PDIA4: variants seen among roughly 807,000 people sequenced by gnomAD.
The protein encoded by PDIA4 is protein disulfide isomerase family A member 4.
PDIA4 carries 33 observed loss-of-function variants against 62.1 expected under a neutral mutation model. That is an observed-to-expected ratio of 0.53 (90% CI 0.40 to 0.71). PDIA4 has a LOEUF of 0.71. Ranked by LOEUF, PDIA4 falls within the 30% of genes least tolerant of loss-of-function variation. PDIA4 has a pLI of 0.00. For synonymous variants in PDIA4, 341 were observed against 324.1 expected (o/e 1.05, Z -0.56); for missense variants, 804 against 813.6 (o/e 0.99, Z 0.14).
At position 149,004,115 on chromosome 7, in the gene PDIA4, C is replaced by T. The variant is rs1334999598; in HGVS notation, c.1617G>A (p.Val539=). ...TGAGGACGTCCTTCTTGGGGTCCAT[C>T]ACAATGGAGTCAAAGGTCTTTCCCA... ...VVVGKTFDSI[V]MDPKKDVLIE... The change falls in exon 10 of 10, where the codon GTG becomes GTA. Residue 539 remains valine (V), a synonymous_variant. Coordinates refer to ENST00000652332, the MANE Select transcript of PDIA4 (RefSeq NM_004911.5). The T allele has an allele frequency of 6.2e-7, 1 of 1,613,960 alleles. No homozygotes were observed.
intron 1 of PDIA4, among the ~76,000 whole-genome samples, chr7:149,025,106 ATG>A (rs762930944): frequency 0.55 from 49,404 of 89,580 alleles, 14,264 homozygotes; most frequent in South Asian, 0.72. Flanking sequence ...ATATATATAT[ATG>A]TATGTCCAGA....
At position 149,003,789 on chromosome 7, in the gene PDIA4, G is replaced by C. The variant is rs1823631778; in HGVS notation, c.*5C>G. Reference sequence around the variant, plus strand: ...CTCCTCCCACCTTCCGCAGACCTCAGGCCTTCAAAGCTCTTCCTTGGTCCT... The same window carrying C: ...CTCCTCCCACCTTCCGCAGACCTCACGCCTTCAAAGCTCTTCCTTGGTCCT... On this transcript the variant is annotated 3_prime_UTR_variant, in exon 10 of 10. Transcript: ENST00000652332. 1.3e-6 allele frequency: 2 copies of C among 1,529,406 alleles called. No individual in the cohort carries two copies. Among genetic ancestry groups the C allele is most frequent in the African/African-American group, 2.8e-5 (2 of 72,190 alleles). The allele number at this position is 1,529,406 out of a possible 1,614,324, so 94.7% of individuals were successfully genotyped here.
intron 5 of PDIA4, 28 bp downstream of exon 5, chr7:149,012,127 G>C (rs779226690): frequency 6.2e-7 from 1 of 1,606,454 alleles, no homozygotes; most frequent in East Asian, 2.2e-5. Context: ...CTTCCCCACT[G>C]TAGTGGGAGA....
Position 149,011,917 on chromosome 7 carries a change from C to T in PDIA4, c.908G>A (p.Gly303Glu), listed in dbSNP as rs1283543676. The T allele has an allele frequency of 5.6e-6, 9 of 1,609,208 alleles. No individual in the cohort carries two copies. Among genetic ancestry groups the T allele is most frequent in the African/African-American group, 1.3e-5 (1 of 74,886 alleles). ...LKQVQEFLKD[G>E]DDVIIIGVFK... is the part of the protein sequence containing the mutation. The stretch of plus-strand genomic sequence containing the variant: ...GACCCCGATGATGATGACATCGTCT[C>T]CATCCTTCAGGAACTCCTGGACCTG... Residue 303 changes from glycine (G) to glutamate (E), a missense_variant, in exon 6 of 10, where the codon GGA becomes GAA. By Grantham distance (98) the Gly-to-Glu change is moderately conservative. Transcript: ENST00000652332.
chr7:149,021,218 C>T (rs117984258), intron 1 of PDIA4, 71 bp from the exon 2 acceptor site: 19,589 of 1,487,256 alleles, frequency 0.013, 213 homozygotes, highest in East Asian at 0.066. Context: ...TGGCCGGGCG[C>T]GGTGGCTCAC....
At chr7:149,016,067 G>C (rs1367750447) in intron 3 of PDIA4, among the ~76,000 whole-genome samples, 1 of 152,210 alleles carries the variant, frequency 6.6e-6, no homozygotes, top group African/African-American at 2.4e-5. Flanking sequence ...GGCCGAGGTG[G>C]GTGGATCATG....
chr7:149,011,495 C>T (rs954830216), intron 6 of PDIA4, among the ~76,000 whole-genome samples: 3 of 152,318 alleles, frequency 2.0e-5, no homozygotes, highest in South Asian at 2.1e-4. Context: ...ACTGAGTCAC[C>T]ACCTGTGGTC....
rs1163254609 is a variant in PDIA4, at chr7:149,005,994, A to G, written c.1191T>C (p.Val397=). ...CATCGTTTGACACCTTGCGGTGGCC[A>G]ACCAGGGGCAGGGCGTACTTCAGCA... ...DFVLKYALPL[V]GHRKVSNDAK... The change falls in exon 8 of 10, where the codon GTT becomes GTC. Residue 397 remains valine (V), a synonymous_variant. Transcript: ENST00000652332. 2 of 1,547,024 alleles carry G rather than the reference A, an allele frequency of 1.3e-6. No individual in the cohort carries two copies. Among genetic ancestry groups the G allele is most frequent in the Non-Finnish European group, 1.7e-6 (2 of 1,156,100 alleles).
Position 149,005,239 on chromosome 7 carries a change from T to C in PDIA4, c.1424A>G (p.Asn475Ser), listed in dbSNP as rs773831327. The change falls in exon 9 of 10, where the codon AAT (asparagine) becomes AGT (serine). Residue 475 changes from asparagine (N) to serine (S), a missense_variant. Asn to Ser is a conservative substitution (Grantham distance 46). Transcript: ENST00000652332. The stretch of plus-strand genomic sequence containing the variant: ...CCCACTCTCGTCCAGGATGGCGGCA[T>C]TGACATCCTCCCCACTCTCGCTGAG... ...LGLSESGEDV[N>S]AAILDESGKK... 1.9e-6 allele frequency: 3 copies of C among 1,613,998 alleles called. No homozygotes were observed. The highest frequency in any genetic ancestry group is 8.5e-7 in the Non-Finnish European group (1 of 1,179,978).
rs1229050114 is a variant in PDIA4 at position 149,003,250 on chromosome 7, C to T, written c.*544G>A. On this transcript the variant is annotated 3_prime_UTR_variant, in exon 10 of 10. Coordinates refer to ENST00000652332, the MANE Select transcript of PDIA4 (RefSeq NM_004911.5). ...ACCCTGGGGGACCCTGGATCATGCCCCTTTGCCCCCAGCCCTTGGTTTGCA... is the reference window on the plus strand; with the variant it reads ...ACCCTGGGGGACCCTGGATCATGCCTCTTTGCCCCCAGCCCTTGGTTTGCA... The T allele has an allele frequency of 6.4e-6, 1 of 157,176 alleles. No individual in the cohort carries two copies. Among genetic ancestry groups the T allele is most frequent in the Non-Finnish European group, 1.5e-5 (1 of 68,294 alleles). 9.7% of individuals were successfully genotyped at this position (157,176 alleles called of 1,614,324 possible).
intron 2 of PDIA4, 55 bp downstream of exon 2, chr7:149,020,912 G>T: frequency 6.3e-7 from 1 of 1,582,128 alleles, no homozygotes; most frequent in Non-Finnish European, 8.6e-7. Context: ...GTGAAGGGCT[G>T]AGCGAATGGA....
At chr7:149,011,487 T>C (rs553969285) in intron 6 of PDIA4, among the ~76,000 whole-genome samples, 2 of 152,322 alleles carry the variant, frequency 1.3e-5, no homozygotes, top group Non-Finnish European at 2.9e-5. Context: ...CTAGGCTAAC[T>C]GAGTCACCAC....
intron 1 of PDIA4, among the ~76,000 whole-genome samples, chr7:149,027,463 A>G (rs962577511): frequency 5.9e-5 from 9 of 152,242 alleles, no homozygotes; most frequent in African/African-American, 2.2e-4. Context: ...ATATTAGAAC[A>G]AACTCAGAAG....
At chr7:149,023,734 C>T in intron 1 of PDIA4, among the ~76,000 whole-genome samples, 1 of 152,144 alleles carries the variant, frequency 6.6e-6, no homozygotes, top group Non-Finnish European at 1.5e-5. Context: ...CAGCATAAGA[C>T]TGACGTTTGC....
At position 149,012,048 on chromosome 7, in the gene PDIA4, C is replaced by A. The variant is rs767572743; in HGVS notation, c.821-44G>T. 4.2e-5 allele frequency: 68 copies of A among 1,600,594 alleles called. No individual in the cohort carries two copies. The Admixed American group carries it at 8.3e-4, about 20-fold the overall frequency. On this transcript the variant is annotated intron_variant, in intron 5 of 9. Transcript: ENST00000652332. ...CCTGAGCAGGGGCACTAAGAACTGC[C>A]CACTTCCCATGGCCCATGCCTGCCA...
At chr7:149,025,699 C>T (rs1824526291) in intron 1 of PDIA4, among the ~76,000 whole-genome samples, 1 of 152,206 alleles carries the variant, frequency 6.6e-6, no homozygotes, top group Non-Finnish European at 1.5e-5. Context: ...AGATTTTCTT[C>T]CCAATACGCC....
chr7:149,020,501 C>G (rs187233630), intron 2 of PDIA4, among the ~76,000 whole-genome samples: 51 of 152,274 alleles, frequency 3.3e-4, no homozygotes, highest in African/African-American at 1.2e-3. Context: ...TGACTGGTCC[C>G]CCCGCAGGGC....
rs984029654 is a variant in PDIA4, at chr7:149,020,613, G to C, written c.269+354C>G. Reference sequence around the variant, plus strand: ...AGGGAAGAGGAAGGCAGGGTGGCCTGAGACAGGTCGGAGCAGAATCTATAA... The same window carrying C: ...AGGGAAGAGGAAGGCAGGGTGGCCTCAGACAGGTCGGAGCAGAATCTATAA... On this transcript the variant is annotated intron_variant, in intron 2 of 9. Coordinates refer to ENST00000652332, the MANE Select transcript of PDIA4 (RefSeq NM_004911.5). 2.0e-5 allele frequency among the ~76,000 whole-genome samples: 3 copies of C among 152,190 alleles called. 1 individual carries two copies. The South Asian group carries it at 6.2e-4, about 32-fold the overall frequency.
At position 149,006,068 on chromosome 7, in the gene PDIA4, G is replaced by GA; in HGVS notation, c.1132-16dup. The GA allele has an allele frequency of 6.5e-7, 1 of 1,546,626 alleles. No homozygotes were observed. Among genetic ancestry groups the GA allele is most frequent in the Non-Finnish European group, 8.6e-7 (1 of 1,156,124 alleles). On this transcript the variant is annotated splice_polypyrimidine_tract_variant and intron_variant, in intron 7 of 9. Transcript: ENST00000652332. ...TGGGTGGAGCCCTGCTTCAAAGAGG[G>GA]AACAGGTGAGGGGGCCCACCATCTC...
Sources: gnomAD v4.1 joint callset for allele counts (sites outside exome capture counted in the v4.1 genomes callset) on GRCh38, gnomAD v4.1.1 for gene constraint, MANE v1.5 for transcripts, NCBI Gene and HGNC (gene_info 2026-07-23, HGNC 2026-07-21) for gene names.